NXPH1: variants seen among roughly 807,000 people sequenced by gnomAD.
NXPH1 encodes neurexophilin 1, also known as neurexophilin-1.
A neutral mutation model predicts 23.7 loss-of-function variants in NXPH1; 5 were observed. That is an observed-to-expected ratio of 0.21 (90% CI 0.11 to 0.44). NXPH1 has a LOEUF of 0.44. NXPH1 is among the 20% of genes least tolerant of loss of function. NXPH1 has a pLI of 0.99. For synonymous variants in NXPH1, 144 were observed against 122.2 expected, an observed-to-expected ratio of 1.18 and a Z score of -1.18; for missense variants, 324 against 321.6, an observed-to-expected ratio of 1.01 and a Z score of -0.06.
rs1478268159 is a variant in NXPH1, at chr7:8,442,395, T to A, written c.54+6628T>A. ...ACCTGCCTCTGGCCGCGCCTCGCCATCACCCCCGCCGCCCTAATGGATTCT... is the reference window on the plus strand; with the variant it reads ...ACCTGCCTCTGGCCGCGCCTCGCCAACACCCCCGCCGCCCTAATGGATTCT... On this transcript the variant is annotated intron_variant, in intron 2 of 2. Coordinates refer to ENST00000405863, the MANE Select transcript of NXPH1 (RefSeq NM_152745.3). The surrounding 1 kb of genome is among the most constrained non-coding windows in gnomAD (Gnocchi z 4.6). Among the ~76,000 whole-genome samples the A allele has an allele frequency of 6.6e-6, 1 of 152,096 alleles. No individual in the cohort carries two copies. The highest frequency in any genetic ancestry group is 1.5e-5 in the Non-Finnish European group (1 of 68,022).
chr7:8,502,834 C>A (rs944783094), intron 2 of NXPH1, among the ~76,000 whole-genome samples: 2 of 151,614 alleles, frequency 1.3e-5, no homozygotes, highest in Non-Finnish European at 2.9e-5. Flanking sequence ...AGAAGCTGTT[C>A]ACAGAGATGG....
intron 2 of NXPH1, among the ~76,000 whole-genome samples, chr7:8,494,586 A>G (rs980510038): frequency 2.6e-5 from 3 of 115,690 alleles, no homozygotes; most frequent in Non-Finnish European, 5.5e-5. Flanking sequence ...TAAAATTTTC[A>G]TTATTATTAC....
intron 2 of NXPH1, among the ~76,000 whole-genome samples, chr7:8,624,339 T>C (rs1819943099): frequency 6.6e-6 from 1 of 152,054 alleles, no homozygotes; most frequent in African/African-American, 2.4e-5. Flanking sequence ...AATTGAACCT[T>C]GTTGGAGGAA....
intron 2 of NXPH1, among the ~76,000 whole-genome samples, chr7:8,670,347 T>C (rs1820849862): frequency 6.6e-6 from 1 of 152,240 alleles, no homozygotes; most frequent in African/African-American, 2.4e-5. Flanking sequence ...ATCCCTTTTT[T>C]CTTCTTAAAC....
intron 2 of NXPH1, among the ~76,000 whole-genome samples, chr7:8,687,208 G>A (rs149516457): frequency 1.7e-4 from 26 of 152,194 alleles, no homozygotes; most frequent in African/African-American, 6.0e-4. Context: ...GTGATGACTG[G>A]TGGAGTATTG....
intron 2 of NXPH1, among the ~76,000 whole-genome samples, chr7:8,513,736 C>T (rs1178855183): frequency 6.6e-6 from 1 of 152,098 alleles, no homozygotes; most frequent in African/African-American, 2.4e-5. Flanking sequence ...GAGCTCTCCA[C>T]TAAGGCTTTC....
intron 2 of NXPH1, among the ~76,000 whole-genome samples, chr7:8,711,298 T>C (rs1056973692): frequency 1.3e-4 from 20 of 152,236 alleles, no homozygotes; most frequent in African/African-American, 4.8e-4. Flanking sequence ...TTGAAGTCAG[T>C]AACATATTGT....
At chr7:8,706,087 T>C (rs997694185) in intron 2 of NXPH1, among the ~76,000 whole-genome samples, 3 of 152,174 alleles carry the variant, frequency 2.0e-5, no homozygotes, top group Admixed American at 2.0e-4. Flanking sequence ...TAAAAACCCT[T>C]ATAGGAGAAT....
At chr7:8,669,647 T>C (rs1032983509) in intron 2 of NXPH1, among the ~76,000 whole-genome samples, 2 of 152,126 alleles carry the variant, frequency 1.3e-5, no homozygotes, top group Non-Finnish European at 2.9e-5. Context: ...TCTGGGAGCA[T>C]GTGTGCTTGC....
chr7:8,665,957 A>G (rs1324530165), intron 2 of NXPH1, among the ~76,000 whole-genome samples: 2 of 57,096 alleles, frequency 3.5e-5, no homozygotes, highest in East Asian at 3.6e-4. Flanking sequence ...GGGTTTTTCT[A>G]TTTGTTAAGA....
At chr7:8,710,036 G>A (rs760636681) in intron 2 of NXPH1, among the ~76,000 whole-genome samples, 2 of 152,114 alleles carry the variant, frequency 1.3e-5, no homozygotes, top group Non-Finnish European at 2.9e-5. Flanking sequence ...ATCACTGCAG[G>A]GGTCAGAAAA....
chr7:8,510,800 G>GTATA (rs1325304692), intron 2 of NXPH1, among the ~76,000 whole-genome samples: 1 of 152,072 alleles, frequency 6.6e-6, no homozygotes, highest in African/African-American at 2.4e-5. Flanking sequence ...TGAGGGATTA[G>GTATA]TATATATTTA....
At chr7:8,717,666 G>T (rs577275943) in intron 2 of NXPH1, among the ~76,000 whole-genome samples, 1 of 152,212 alleles carries the variant, frequency 6.6e-6, no homozygotes, top group East Asian at 1.9e-4. Flanking sequence ...ATACCAATGA[G>T]ACTTGTGCTC....
intron 2 of NXPH1, among the ~76,000 whole-genome samples, chr7:8,485,128 T>C (rs1241489129): frequency 6.6e-6 from 1 of 152,162 alleles, no homozygotes; most frequent in Non-Finnish European, 1.5e-5. Flanking sequence ...TGCAAGGCAA[T>C]TCAATCACGT....
rs573670275 is a variant in NXPH1 at position 8,433,649 on chromosome 7, C to A, written c.-1217C>A. 3.9e-5 allele frequency among the ~76,000 whole-genome samples: 6 copies of A among 152,114 alleles called. No homozygotes were observed. The highest frequency in any genetic ancestry group is 1.4e-4 in the African/African-American group (6 of 41,414). On this transcript the variant is annotated 5_prime_UTR_variant, in exon 1 of 3. Coordinates refer to ENST00000405863, the MANE Select transcript of NXPH1 (RefSeq NM_152745.3). This position sits in a 1 kb window ranked among gnomAD's most constrained non-coding sequence, Gnocchi z 6.8. ...CTCGAGCTGAATGGCTGGCAGTCTG[C>A]GGCTCCCCCGCCTCCGGCCCGGCAG... is the stretch of plus-strand genomic sequence containing the variant.
intron 2 of NXPH1, among the ~76,000 whole-genome samples, chr7:8,514,238 T>G (rs1817655563): frequency 6.6e-6 from 1 of 152,156 alleles, no homozygotes; most frequent in African/African-American, 2.4e-5. Context: ...CTTCAATACA[T>G]TCTGCTTTTT....
chr7:8,721,104 C>T (rs1477318938), intron 2 of NXPH1, among the ~76,000 whole-genome samples: 2 of 152,070 alleles, frequency 1.3e-5, no homozygotes, highest in Admixed American at 6.5e-5. Context: ...GGTTAAATTT[C>T]CTGATTTTGA....
chr7:8,467,920 A>G (rs970568767), intron 2 of NXPH1, among the ~76,000 whole-genome samples: 1 of 152,126 alleles, frequency 6.6e-6, no homozygotes, highest in Non-Finnish European at 1.5e-5. Context: ...CGGGCATTGT[A>G]TACTATCAGT....
At chr7:8,629,728 A>G (rs150735643) in intron 2 of NXPH1, among the ~76,000 whole-genome samples, 111 of 152,254 alleles carry the variant, frequency 7.3e-4, no homozygotes, top group African/African-American at 2.3e-3. Flanking sequence ...GCAACGCCCA[A>G]TAATAAATGG....
Sources: gnomAD v4.1 joint callset for allele counts (sites outside exome capture counted in the v4.1 genomes callset) on GRCh38, gnomAD v4.1.1 for gene constraint, Gnocchi (gnomAD v3.1) non-coding constraint, MANE v1.5 for transcripts, NCBI Gene and HGNC (gene_info 2026-07-23, HGNC 2026-07-21) for gene names.